Variants in FBXW11 observed in about 807,000 individuals in gnomAD.
FBXW11 encodes the protein F-box/WD repeat-containing protein 11.
In FBXW11, 19 loss-of-function variants were observed where a neutral mutation model predicts 77.6. The observed-to-expected ratio is 0.24, with a 90% CI of 0.17 to 0.36. The LOEUF is 0.36. Among genes scored for constraint, FBXW11 ranks in the 10% least tolerant of loss-of-function variants. The pLI, the probability that FBXW11 is intolerant of heterozygous loss-of-function variation, is 1.00. For missense variants in FBXW11, 334 were observed against 704.2 expected (o/e 0.47, Z 5.95); for synonymous variants, 235 against 249.4 (o/e 0.94, Z 0.54).
chr5:171,882,667 T>C (rs1758597179), intron 7 of FBXW11, among the ~76,000 whole-genome samples: 2 of 149,250 alleles, frequency 1.3e-5, no homozygotes, highest in South Asian at 4.4e-4. Context: ...TTTAGAATTA[T>C]GTTATGTAAC....
chr5:171,867,208 C>T (rs1406362366), intron 13 of FBXW11, among the ~76,000 whole-genome samples: 1 of 152,100 alleles, frequency 6.6e-6, no homozygotes, highest in Non-Finnish European at 1.5e-5. Flanking sequence ...CTGAAAGGGC[C>T]ATATGGTAAA....
chr5:171,916,948 G>A (rs1761295562), intron 2 of FBXW11, among the ~76,000 whole-genome samples: 3 of 152,080 alleles, frequency 2.0e-5, no homozygotes, highest in South Asian at 2.1e-4. Flanking sequence ...TAAATACGGA[G>A]TCTTGCTCTG....
chr5:171,938,458 T>G (rs1762586591), intron 2 of FBXW11, among the ~76,000 whole-genome samples: 1 of 152,220 alleles, frequency 6.6e-6, no homozygotes, highest in Admixed American at 6.5e-5. Flanking sequence ...AAGCTACACA[T>G]TTCTCACTTA....
rs547999783 is a variant in FBXW11, at chr5:171,868,621, G to C, written c.*14C>G. ...AGGATAGTACTCACCTGAAACGGGTGAAAGTGCAGACTGTTATCTAGAGAT... is the reference window on the plus strand; with the variant it reads ...AGGATAGTACTCACCTGAAACGGGTCAAAGTGCAGACTGTTATCTAGAGAT... On this transcript the variant is annotated 3_prime_UTR_variant, in exon 13 of 14. Coordinates refer to ENST00000517395, the MANE Select transcript of FBXW11 (RefSeq NM_001378974.1). The C allele has an allele frequency of 1.7e-5, 28 of 1,609,386 alleles. No homozygotes were observed. The South Asian group carries it at 2.0e-4, about 11-fold the overall frequency.
At chr5:171,950,038 G>T (rs1357879303) in intron 2 of FBXW11, among the ~76,000 whole-genome samples, 2 of 152,106 alleles carry the variant, frequency 1.3e-5, no homozygotes, top group Non-Finnish European at 2.9e-5. Context: ...ACTGGTAGCA[G>T]TCTTAATATG....
At chr5:171,891,343 G>C (rs894749397) in intron 7 of FBXW11, 124 bp downstream of exon 7, 16 of 836,888 alleles carry the variant, frequency 1.9e-5, no homozygotes, top group Middle Eastern at 3.7e-4. Context: ...ACTACACTGA[G>C]AGCTGCCAAG....
intron 6 of FBXW11, among the ~76,000 whole-genome samples, chr5:171,895,541 G>A (rs529680137): frequency 7.2e-5 from 11 of 152,224 alleles, no homozygotes; most frequent in African/African-American, 2.2e-4. Context: ...CTTCGGAGGC[G>A]TTAATGCAAT....
At chr5:171,871,803 G>A (rs1157624590) in intron 10 of FBXW11, among the ~76,000 whole-genome samples, 1 of 152,198 alleles carries the variant, frequency 6.6e-6, no homozygotes, top group African/African-American at 2.4e-5. Context: ...TAGTACCCGT[G>A]ATGATAGCAT....
At chr5:171,885,548 T>C (rs1283996194) in intron 7 of FBXW11, among the ~76,000 whole-genome samples, 2 of 152,206 alleles carry the variant, frequency 1.3e-5, no homozygotes, top group Non-Finnish European at 2.9e-5. Context: ...AGTAGAATGG[T>C]TGATTTTTCA....
chr5:171,876,218 ACCTCT>A lies in FBXW11; in HGVS notation c.1221+62_1221+66del. On this transcript the variant is annotated intron_variant, in intron 9 of 13. Coordinates refer to ENST00000517395, the MANE Select transcript of FBXW11 (RefSeq NM_001378974.1). The surrounding 1 kb of genome is among the most constrained non-coding windows in gnomAD (Gnocchi z 4.2). ...GCCAGGTACCAGGTTGGTATAAGCC[ACCTCT>A]GCTTTGTCTCTGTTCTAAAAGGGAC... 1 of 1,588,222 alleles carries A rather than the reference ACCTCT, an allele frequency of 6.3e-7. No homozygotes were observed. Among genetic ancestry groups the A allele is most frequent in the South Asian group, 1.2e-5 (1 of 86,914 alleles).
At chr5:171,970,482 G>A (rs1764462387) in intron 1 of FBXW11, among the ~76,000 whole-genome samples, 2 of 152,108 alleles carry the variant, frequency 1.3e-5, no homozygotes, top group African/African-American at 4.8e-5. Context: ...TCTTTATGCA[G>A]TATGAGAACA....
chr5:171,886,749 TAC>T (rs1390476434), intron 7 of FBXW11, among the ~76,000 whole-genome samples: 1 of 151,936 alleles, frequency 6.6e-6, no homozygotes, highest in East Asian at 1.9e-4. Context: ...AGCAGTGGCT[TAC>T]ACCTGTAATC....
chr5:171,999,040 G>A (rs1766253192), intron 1 of FBXW11, among the ~76,000 whole-genome samples: 1 of 152,026 alleles, frequency 6.6e-6, no homozygotes, highest in Non-Finnish European at 1.5e-5. Context: ...GATTAACCTC[G>A]CCATAACAAT....
chr5:171,882,961 C>T lies in FBXW11; in HGVS notation c.853-4832G>A, dbSNP rs1182048049. Reference sequence around the variant, plus strand: ...CCTCCCACTCGTCCCCCCAAGTCCCCAAAGTCCAATGCATCATTCTTATGC... The same window carrying T: ...CCTCCCACTCGTCCCCCCAAGTCCCTAAAGTCCAATGCATCATTCTTATGC... On this transcript the variant is annotated intron_variant, in intron 7 of 13. Coordinates refer to ENST00000517395, the MANE Select transcript of FBXW11 (RefSeq NM_001378974.1). 3.3e-5 allele frequency among the ~76,000 whole-genome samples: 5 copies of T among 151,890 alleles called. 1 individual carries two copies. In the South Asian group the frequency reaches 1.0e-3, roughly 32 times the overall value.
intron 1 of FBXW11, among the ~76,000 whole-genome samples, chr5:171,980,263 A>G (rs1297794843): frequency 6.6e-6 from 1 of 152,260 alleles, no homozygotes; most frequent in Admixed American, 6.5e-5. Context: ...GTCTTTGAAG[A>G]CAAACCTCTA....
intron 2 of FBXW11, among the ~76,000 whole-genome samples, chr5:171,929,054 C>G (rs1401083371): frequency 1.3e-5 from 2 of 151,106 alleles, no homozygotes; most frequent in Admixed American, 1.3e-4. Flanking sequence ...GCCTGGGTGA[C>G]AGAGCAAGCT....
intron 1 of FBXW11, among the ~76,000 whole-genome samples, chr5:171,967,871 TATATATATATATACACACACACACACAC>T (rs1369438570): frequency 8.1e-5 from 9 of 110,856 alleles, no homozygotes; most frequent in African/African-American, 1.8e-4. Flanking sequence ...TATATATATA[TATATATATATATACACACACACACACAC>T]ACACACACAC....
At chr5:171,946,371 C>G (rs557776763) in intron 2 of FBXW11, among the ~76,000 whole-genome samples, 3 of 152,304 alleles carry the variant, frequency 2.0e-5, no homozygotes, top group Admixed American at 6.5e-5. Flanking sequence ...GGGATCCTGT[C>G]AAGACATTCA....
At chr5:172,002,223 A>T (rs1766449437) in intron 1 of FBXW11, among the ~76,000 whole-genome samples, 1 of 152,188 alleles carries the variant, frequency 6.6e-6, no homozygotes. Flanking sequence ...CTCCTGGGCT[A>T]GCTCCCTATT....
Sources: gnomAD v4.1 joint callset for allele counts (sites outside exome capture counted in the v4.1 genomes callset) on GRCh38, gnomAD v4.1.1 for gene constraint, Gnocchi (gnomAD v3.1) non-coding constraint, MANE v1.5 for transcripts, NCBI Gene and HGNC (gene_info 2026-07-23, HGNC 2026-07-21) for gene names.